ATP6V0A4: variants seen among roughly 807,000 people sequenced by gnomAD.
ATP6V0A4 encodes V-type proton ATPase 116 kDa subunit a 4.
A neutral mutation model predicts 107.3 loss-of-function variants in ATP6V0A4; 86 were observed. That is an observed-to-expected ratio of 0.80 (90% CI 0.67 to 0.96). The LOEUF is 0.96. Among genes scored for constraint, ATP6V0A4 ranks in the 40% least tolerant of loss-of-function variants. The pLI is 0.00. For synonymous variants in ATP6V0A4, 353 were observed against 381.4 expected, an observed-to-expected ratio of 0.93 and a Z score of 0.87; for missense variants, 908 against 1,045.6, an observed-to-expected ratio of 0.87 and a Z score of 1.81.
At position 138,734,260 on chromosome 7, in the gene ATP6V0A4, T is replaced by TG; in HGVS notation, c.1573-7dup. On this transcript the variant is annotated splice_polypyrimidine_tract_variant and splice_region_variant and intron_variant, in intron 15 of 21. Coordinates refer to ENST00000310018, the MANE Select transcript of ATP6V0A4 (RefSeq NM_020632.3). ...TTTGAAGCCAAGTTCCAAATCTGGA[T>TG]GGGAAATGGGACAAAAAACCAAGTG... The TG allele has an allele frequency of 2.5e-6, 4 of 1,612,950 alleles. No individual in the cohort carries two copies. The highest frequency in any genetic ancestry group is 3.4e-6 in the Non-Finnish European group (4 of 1,179,318).
intron 1 of ATP6V0A4, among the ~76,000 whole-genome samples, chr7:138,788,251 G>C (rs78663366): frequency 6.6e-6 from 1 of 152,138 alleles, no homozygotes; most frequent in Admixed American, 6.5e-5. Flanking sequence ...AAATCTCTCT[G>C]TTTATTAAAC....
intron 21 of ATP6V0A4, among the ~76,000 whole-genome samples, chr7:138,708,011 G>GTTTTA (rs1226084122): frequency 1.4e-5 from 2 of 146,310 alleles, no homozygotes; most frequent in Non-Finnish European, 3.0e-5. Flanking sequence ...GATGATTTAT[G>GTTTTA]TTTTATTTTA....
chr7:138,754,030 A>C (rs17160526), intron 10 of ATP6V0A4, among the ~76,000 whole-genome samples: 2,691 of 152,178 alleles, frequency 0.018, 88 homozygotes, highest in African/African-American at 0.062. Context: ...AGCAGAATTT[A>C]TTTTCCATTC....
intron 2 of ATP6V0A4, among the ~76,000 whole-genome samples, chr7:138,784,382 A>G (rs7782414): frequency 0.58 from 82,949 of 144,166 alleles, 24,283 homozygotes; most frequent in African/African-American, 0.64. Context: ...GCAGTGGCGC[A>G]ATCTTGGCTC....
chr7:138,749,580 T>C (rs1262635403), intron 11 of ATP6V0A4, among the ~76,000 whole-genome samples: 2 of 152,160 alleles, frequency 1.3e-5, no homozygotes, highest in Non-Finnish European at 2.9e-5. Flanking sequence ...CTGCTGTAAA[T>C]GCGAATGTTA....
intron 1 of ATP6V0A4, among the ~76,000 whole-genome samples, chr7:138,794,897 ATTTTT>A (rs34650343): frequency 9.6e-6 from 1 of 104,036 alleles, no homozygotes; most frequent in Non-Finnish European, 2.0e-5. Context: ...AGCCCACCCT[ATTTTT>A]TTTTTTTTTT....
chr7:138,756,450 C>G lies in ATP6V0A4; in HGVS notation c.722+8G>C. 1 of 1,613,736 alleles carries G rather than the reference C, an allele frequency of 6.2e-7. No homozygotes were observed. The highest frequency in any genetic ancestry group is 8.5e-7 in the Non-Finnish European group (1 of 1,180,004). Reference sequence around the variant, plus strand: ...TCACTGAAGAAAGAGCCATTCACTCCCTCTTACCCATCACAGATCTTCTTG... The same window carrying G: ...TCACTGAAGAAAGAGCCATTCACTCGCTCTTACCCATCACAGATCTTCTTG... On this transcript the variant is annotated splice_region_variant and intron_variant, in intron 9 of 21. Transcript: ENST00000310018.
chr7:138,734,241 G>A lies in ATP6V0A4; in HGVS notation c.1586C>T (p.Ala529Val). ...PFGIDPIWNL[A>V]SNKLTFLNSY... ...GTTCAGAAATGTGAGTTTGTTTGAA[G>A]CCAAGTTCCAAATCTGGATGGGAAA... The change falls in exon 16 of 22, where the codon GCT (alanine) becomes GTT (valine). Residue 529 changes from alanine to valine, a missense_variant. Ala to Val is a moderately conservative substitution (Grantham distance 64). Transcript: ENST00000310018. The A allele has an allele frequency of 6.2e-7, 1 of 1,613,358 alleles. No homozygotes were observed. The highest frequency in any genetic ancestry group is 8.5e-7 in the Non-Finnish European group (1 of 1,179,474).
chr7:138,721,760 A>G (rs1804433373), intron 19 of ATP6V0A4, 137 bp downstream of exon 19: 11 of 975,158 alleles, frequency 1.1e-5, no homozygotes, highest in Non-Finnish European at 1.6e-5. Flanking sequence ...TGAGACCTTC[A>G]CAGCTTCCCA....
At chr7:138,774,379 G>T (rs925269086) in intron 2 of ATP6V0A4, among the ~76,000 whole-genome samples, 2 of 151,978 alleles carry the variant, frequency 1.3e-5, no homozygotes, top group Non-Finnish European at 2.9e-5. Flanking sequence ...AGGAGTTTGA[G>T]ACTAGCCTGG....
At chr7:138,787,457 GT>G (rs955085557) in intron 1 of ATP6V0A4, among the ~76,000 whole-genome samples, 2 of 152,130 alleles carry the variant, frequency 1.3e-5, no homozygotes, top group African/African-American at 4.8e-5. Flanking sequence ...GGATTCTTGT[GT>G]TCCCAACCAA....
chr7:138,790,345 G>C (rs569938905), intron 1 of ATP6V0A4, among the ~76,000 whole-genome samples: 77 of 152,296 alleles, frequency 5.1e-4, no homozygotes, highest in African/African-American at 1.8e-3. Context: ...CCAGGCTGGA[G>C]AGTAGTGGCA....
chr7:138,797,986 C>T, intron 1 of ATP6V0A4, 48 bp downstream of exon 1: 1 of 1,546,324 alleles, frequency 6.5e-7, no homozygotes, highest in Non-Finnish European at 8.7e-7. Flanking sequence ...CATAAGTTCA[C>T]CTCTGGCAGA....
chr7:138,750,925 G>C (rs890339077), intron 11 of ATP6V0A4, among the ~76,000 whole-genome samples: 2 of 152,102 alleles, frequency 1.3e-5, no homozygotes, highest in Non-Finnish European at 2.9e-5. Flanking sequence ...TCTGTACGAA[G>C]GGGATAAAGA....
chr7:138,716,949 C>A (rs1045689871), intron 19 of ATP6V0A4, among the ~76,000 whole-genome samples: 3 of 152,162 alleles, frequency 2.0e-5, no homozygotes, highest in Admixed American at 6.6e-5. Flanking sequence ...TCCCATGCCA[C>A]ACTCTGGGAA....
chr7:138,773,191 C>T lies in ATP6V0A4; in HGVS notation c.-17-1927G>A, dbSNP rs998236921. Among the ~76,000 whole-genome samples the T allele has an allele frequency of 6.6e-6, 1 of 152,194 alleles. No individual in the cohort carries two copies. The highest frequency in any genetic ancestry group is 2.4e-5 in the African/African-American group (1 of 41,440). ...CTCTAAAGTCCTCGAGCTGGCCAGCCGAAGGCTGCAGGACCTGGCCTCCTC... is the reference window on the plus strand; with the variant it reads ...CTCTAAAGTCCTCGAGCTGGCCAGCTGAAGGCTGCAGGACCTGGCCTCCTC... On this transcript the variant is annotated intron_variant, in intron 2 of 21. Transcript: ENST00000310018. This position sits in a 1 kb window ranked among gnomAD's most constrained non-coding sequence, Gnocchi z 5.4.
At position 138,706,349 on chromosome 7, in the gene ATP6V0A4, A is replaced by G. The variant is rs1294064286; in HGVS notation, c.*275T>C. The G allele has an allele frequency of 9.0e-6, 4 of 445,806 alleles. No homozygotes were observed. In the Admixed American group the frequency reaches 1.4e-4, roughly 15 times the overall value. The allele number at this position is 445,806 out of a possible 1,614,324, so 27.6% of individuals were successfully genotyped here. On this transcript the variant is annotated 3_prime_UTR_variant, in exon 22 of 22. Coordinates refer to ENST00000310018, the MANE Select transcript of ATP6V0A4 (RefSeq NM_020632.3). ...ACAATATTTAAAATATTGCAAGAAG[A>G]CATCTGTTTAGCATTCTCCCCTCAT...
At chr7:138,728,690 C>G (rs1804836523) in intron 18 of ATP6V0A4, 71 bp downstream of exon 18, 1 of 1,602,784 alleles carries the variant, frequency 6.2e-7, no homozygotes, top group Non-Finnish European at 8.5e-7. Context: ...TCTCTCTAAA[C>G]CCAAGATTCA....
chr7:138,721,500 C>T (rs907078265), intron 19 of ATP6V0A4, among the ~76,000 whole-genome samples: 71 of 152,222 alleles, frequency 4.7e-4, no homozygotes, highest in South Asian at 4.2e-4. Context: ...AATTGGCTCA[C>T]TCCAGCCTGG....
Sources: gnomAD v4.1 joint callset for allele counts (sites outside exome capture counted in the v4.1 genomes callset) on GRCh38, gnomAD v4.1.1 for gene constraint, Gnocchi (gnomAD v3.1) non-coding constraint, MANE v1.5 for transcripts, NCBI Gene and HGNC (gene_info 2026-07-23, HGNC 2026-07-21) for gene names.